LRRTM4: variants seen among roughly 807,000 people sequenced by gnomAD.
LRRTM4 encodes the protein leucine-rich repeat transmembrane neuronal protein 4.
LRRTM4 carries 25 observed loss-of-function variants against 47.6 expected under a neutral mutation model. The ratio of observed to expected loss-of-function variants is 0.53; its 90% CI spans 0.38 to 0.73. LRRTM4 has a LOEUF of 0.73. LRRTM4 is among the 30% of genes least tolerant of loss of function. The probability of loss-of-function intolerance (pLI) is 0.00; values close to 1 mark genes in which losing one functional copy is unlikely to be tolerated. For missense variants in LRRTM4, 638 were observed against 713.4 expected (o/e 0.89, Z 1.20); for synonymous variants, 311 against 269.5 (o/e 1.15, Z -1.51).
intron 3 of LRRTM4, among the ~76,000 whole-genome samples, chr2:77,097,339 G>T (rs1040404327): frequency 6.6e-6 from 1 of 151,898 alleles, no homozygotes; most frequent in African/African-American, 2.4e-5. Context: ...TTGTAAGATT[G>T]ATAACATTTT....
intron 3 of LRRTM4, among the ~76,000 whole-genome samples, chr2:77,446,633 G>A (rs1361705066): frequency 6.6e-6 from 1 of 151,946 alleles, no homozygotes; most frequent in South Asian, 2.1e-4. Flanking sequence ...TCGAACATCA[G>A]CCACACTGTC....
chr2:76,797,436 G>A (rs957236994), intron 3 of LRRTM4, among the ~76,000 whole-genome samples: 2 of 151,760 alleles, frequency 1.3e-5, no homozygotes, highest in African/African-American at 4.8e-5. Flanking sequence ...GTCACCACCA[G>A]GCCTGCCCTA....
At chr2:76,764,437 C>T (rs781515769) in intron 3 of LRRTM4, among the ~76,000 whole-genome samples, 6 of 152,082 alleles carry the variant, frequency 3.9e-5, no homozygotes, top group African/African-American at 7.2e-5. Context: ...CGAGACCATC[C>T]TGGCTAACAC....
At chr2:76,827,203 C>T (rs1671213302) in intron 3 of LRRTM4, among the ~76,000 whole-genome samples, 1 of 151,754 alleles carries the variant, frequency 6.6e-6, no homozygotes, top group African/African-American at 2.4e-5. Context: ...ACATTATTTT[C>T]CATTGTAAAA....
At chr2:76,997,169 A>G (rs896587150) in intron 3 of LRRTM4, among the ~76,000 whole-genome samples, 1 of 152,146 alleles carries the variant, frequency 6.6e-6, no homozygotes, top group Non-Finnish European at 1.5e-5. Flanking sequence ...GCAACTATCA[A>G]TTTATGAAGC....
At chr2:77,099,610 T>C (rs76998675) in intron 3 of LRRTM4, among the ~76,000 whole-genome samples, 6,363 of 143,002 alleles carry the variant, frequency 0.044, 429 homozygotes, top group African/African-American at 0.15. Context: ...TTATTAGGTG[T>C]ATATTGGATA....
intron 3 of LRRTM4, among the ~76,000 whole-genome samples, chr2:76,790,553 G>A (rs901541705): frequency 6.6e-6 from 1 of 152,132 alleles, no homozygotes; most frequent in Non-Finnish European, 1.5e-5. Context: ...AGAAAAACAT[G>A]TAAAATCCTA....
intron 3 of LRRTM4, among the ~76,000 whole-genome samples, chr2:76,980,831 G>A (rs1676581776): frequency 6.6e-6 from 1 of 151,758 alleles, no homozygotes; most frequent in Non-Finnish European, 1.5e-5. Flanking sequence ...AAGGAGTGAA[G>A]GTGCTTTGAT....
chr2:76,882,936 T>A (rs2104113292), intron 3 of LRRTM4, among the ~76,000 whole-genome samples: 1 of 152,212 alleles, frequency 6.6e-6, no homozygotes, highest in African/African-American at 2.4e-5. Flanking sequence ...TTGGATTGTT[T>A]GCTACAGCCA....
intron 3 of LRRTM4, among the ~76,000 whole-genome samples, chr2:77,390,036 A>C (rs1234619325): frequency 6.6e-6 from 1 of 152,124 alleles, no homozygotes; most frequent in African/African-American, 2.4e-5. Flanking sequence ...CATTCAGGAC[A>C]TGTACTAAAG....
chr2:77,384,996 T>G (rs576783595), intron 3 of LRRTM4, among the ~76,000 whole-genome samples: 8 of 152,002 alleles, frequency 5.3e-5, no homozygotes, highest in Non-Finnish European at 1.0e-4. Flanking sequence ...ATAACCGGAG[T>G]TATGTTAATT....
intron 3 of LRRTM4, among the ~76,000 whole-genome samples, chr2:77,059,794 T>G (rs907191715): frequency 2.0e-5 from 3 of 152,302 alleles, no homozygotes; most frequent in Admixed American, 6.5e-5. Flanking sequence ...ACCCACATCT[T>G]AAAGTCGCTT....
intron 3 of LRRTM4, among the ~76,000 whole-genome samples, chr2:76,886,510 T>C (rs932839792): frequency 6.6e-6 from 1 of 151,978 alleles, no homozygotes; most frequent in Non-Finnish European, 1.5e-5. Flanking sequence ...AACCAATAAA[T>C]AAGATAATAT....
chr2:77,448,308 A>G (rs781692462), intron 3 of LRRTM4, among the ~76,000 whole-genome samples: 6 of 152,160 alleles, frequency 3.9e-5, no homozygotes, highest in Non-Finnish European at 8.8e-5. Context: ...AGGCCAGTGC[A>G]TACCTGGCTT....
At chr2:77,178,140 TTTC>T (rs1263131258) in intron 3 of LRRTM4, among the ~76,000 whole-genome samples, 1 of 152,206 alleles carries the variant, frequency 6.6e-6, no homozygotes, top group Non-Finnish European at 1.5e-5. Flanking sequence ...GAATAAATAT[TTTC>T]TTATTTAATT....
chr2:77,085,315 C>T (rs1257190324), intron 3 of LRRTM4, among the ~76,000 whole-genome samples: 1 of 150,528 alleles, frequency 6.6e-6, no homozygotes, highest in Non-Finnish European at 1.5e-5. Context: ...GATCCACTAA[C>T]AATAATTTAA....
In LRRTM4 at chr2:76,790,708, C is replaced by A. The variant is rs531088085; in HGVS notation, c.1552-41792G>T. ...TTACTTAATTGGATAGACCCCCCCC[C>A]ACCACCTCAGTGAAATTTAACAGGC... On this transcript the variant is annotated intron_variant, in intron 3 of 3. Transcript: ENST00000409884. Among the ~76,000 whole-genome samples the A allele has an allele frequency of 1.8e-4, 27 of 151,958 alleles. No individual in the cohort carries two copies. The South Asian group carries it at 4.4e-3, about 25-fold the overall frequency.
chr2:76,999,318 T>C (rs777801688), intron 3 of LRRTM4, among the ~76,000 whole-genome samples: 19 of 151,944 alleles, frequency 1.3e-4, no homozygotes, highest in Non-Finnish European at 1.5e-4. Context: ...AATATCTTGA[T>C]AGAATCTCAA....
chr2:77,494,976 A>G (rs1678306196), intron 3 of LRRTM4, among the ~76,000 whole-genome samples: 1 of 152,140 alleles, frequency 6.6e-6, no homozygotes, highest in South Asian at 2.1e-4. Flanking sequence ...TGATATCAAC[A>G]GTGTGTTTCT....
Sources: gnomAD v4.1 joint callset for allele counts (sites outside exome capture counted in the v4.1 genomes callset) on GRCh38, gnomAD v4.1.1 for gene constraint, MANE v1.5 for transcripts, NCBI Gene and HGNC (gene_info 2026-07-23, HGNC 2026-07-21) for gene names.